ODAD4: variants seen among roughly 807,000 people sequenced by gnomAD.
ODAD4 encodes outer dynein arm docking complex subunit 4.
Under a neutral mutation model 51.8 loss-of-function variants are expected in ODAD4, and 49 were observed. That is an observed-to-expected ratio of 0.95 (90% CI 0.75 to 1.20). The LOEUF is 1.20. ODAD4 is among the 50% of genes most tolerant of loss of function. The pLI is 0.00. For synonymous variants in ODAD4, 235 were observed against 221.3 expected, an observed-to-expected ratio of 1.06 and a Z score of -0.55; for missense variants, 590 against 586.5, an observed-to-expected ratio of 1.01 and a Z score of -0.06.
At chr17:41,933,127 G>T (rs1301506885) in intron 1 of ODAD4, among the ~76,000 whole-genome samples, 1 of 152,018 alleles carries the variant, frequency 6.6e-6, no homozygotes, top group Non-Finnish European at 1.5e-5. Flanking sequence ...GCTGGATCAT[G>T]TCCCATCCTG....
chr17:41,955,384 C>T, intron 10 of ODAD4, 67 bp downstream of exon 10: 1 of 701,288 alleles, frequency 1.4e-6, no homozygotes, highest in Non-Finnish European at 2.6e-6. Flanking sequence ...CCTTCAGTTC[C>T]CCCTCAGCCT....
intron 7 of ODAD4, among the ~76,000 whole-genome samples, chr17:41,942,556 C>T (rs534929032): frequency 1.3e-5 from 2 of 152,226 alleles, no homozygotes; most frequent in Admixed American, 6.5e-5. Flanking sequence ...TCCACTCCGA[C>T]GGGCTGTGAC....
At chr17:41,944,851 T>C (rs2050564897) in intron 7 of ODAD4, among the ~76,000 whole-genome samples, 1 of 152,206 alleles carries the variant, frequency 6.6e-6, no homozygotes, top group South Asian at 2.1e-4. Context: ...TGACTGTTCT[T>C]GTCACATTAT....
intron 9 of ODAD4, among the ~76,000 whole-genome samples, chr17:41,951,878 T>A (rs1159708389): frequency 9.2e-6 from 1 of 108,320 alleles, no homozygotes; most frequent in Admixed American, 1.2e-4. Context: ...AACGAGACTC[T>A]GTCGCAAAAA....
At chr17:41,932,158 C>T (rs2050353784) in intron 1 of ODAD4, among the ~76,000 whole-genome samples, 1 of 152,012 alleles carries the variant, frequency 6.6e-6, no homozygotes, top group Non-Finnish European at 1.5e-5. Context: ...CAACCTCCAC[C>T]TCCCAGGTTC....
In ODAD4 at chr17:41,965,197, T is replaced by G. The variant is rs1567942684; in HGVS notation, c.1733T>G (p.Leu578Trp). The G allele has an allele frequency of 1.3e-6, 1 of 773,790 alleles. No homozygotes were observed. The highest frequency in any genetic ancestry group is 2.3e-4 in the Middle Eastern group (1 of 4,440). The allele number at this position is 773,790 out of a possible 1,614,324, so 47.9% of individuals were successfully genotyped here. Residue 578 changes from leucine (L) to tryptophan (W), a missense_variant, in exon 12 of 12, where the codon TTG becomes TGG. Around this residue, in one of 3 missense-constraint regions of ODAD4, gnomAD observed 226 missense variants for 162.7 expected, o/e 1.39. Coordinates refer to ENST00000377540, the MANE Select transcript of ODAD4 (RefSeq NM_031421.5). ...GAAGCAGGAAAAGCCAGAAGCGATTTGGGAGCAGTTGCCAAGGGCCTGTCA... is the reference window on the plus strand; with the variant it reads ...GAAGCAGGAAAAGCCAGAAGCGATTGGGGAGCAGTTGCCAAGGGCCTGTCA... The part of the protein sequence containing the change: ...SVEAGKARSD[L>W]GAVAKGLSGE...
chr17:41,953,148 C>G (rs2050682063), intron 9 of ODAD4, among the ~76,000 whole-genome samples: 1 of 152,038 alleles, frequency 6.6e-6, no homozygotes, highest in African/African-American at 2.4e-5. Context: ...GCAACCTCTG[C>G]CTTCCGATTT....
intron 5 of ODAD4, among the ~76,000 whole-genome samples, chr17:41,937,945 G>A (rs1567929692): frequency 6.6e-6 from 1 of 152,262 alleles, no homozygotes; most frequent in South Asian, 2.1e-4. Flanking sequence ...CCAAGGTCAT[G>A]TGTAGGGTTC....
chr17:41,932,704 CT>C (rs2050365877), intron 1 of ODAD4, among the ~76,000 whole-genome samples: 1 of 149,260 alleles, frequency 6.7e-6, no homozygotes, highest in South Asian at 2.1e-4. Flanking sequence ...GCCACCACGC[CT>C]GGCTAATTTT....
chr17:41,965,615 A>G lies in ODAD4; in HGVS notation c.*132A>G. 1.6e-6 allele frequency: 1 copy of G among 607,208 alleles called. No homozygotes were observed. Among genetic ancestry groups the G allele is most frequent in the South Asian group, 2.1e-5 (1 of 48,558 alleles). 37.6% of individuals were successfully genotyped at this position (607,208 alleles called of 1,614,324 possible). On this transcript the variant is annotated 3_prime_UTR_variant, in exon 12 of 12. Coordinates refer to ENST00000377540, the MANE Select transcript of ODAD4 (RefSeq NM_031421.5). Reference sequence around the variant, plus strand: ...TTTACTTCTGCTGCTTTCCATCACTATTTTGCCATTAAATAGGTGTCTTTC... The same window carrying G: ...TTTACTTCTGCTGCTTTCCATCACTGTTTTGCCATTAAATAGGTGTCTTTC...
intron 9 of ODAD4, chr17:41,952,733 T>A: frequency 2.0e-6 from 1 of 493,244 alleles, no homozygotes; most frequent in South Asian, 1.5e-5. Context: ...TAATAGCCTT[T>A]TTTTTCTTCT....
At chr17:41,945,420 G>GA (rs2050572549) in intron 8 of ODAD4, among the ~76,000 whole-genome samples, 198 bp downstream of exon 8, 1 of 151,948 alleles carries the variant, frequency 6.6e-6, no homozygotes, top group Non-Finnish European at 1.5e-5. Flanking sequence ...GCTGAGGTAG[G>GA]AGGATTACAT....
chr17:41,946,797 G>A (rs2050592655), intron 8 of ODAD4, among the ~76,000 whole-genome samples: 1 of 151,634 alleles, frequency 6.6e-6, no homozygotes, highest in African/African-American at 2.4e-5. Flanking sequence ...TCCTGCCTCA[G>A]CCTCCCAAGT....
chr17:41,962,273 C>T (rs782138643), intron 11 of ODAD4, among the ~76,000 whole-genome samples: 17 of 152,312 alleles, frequency 1.1e-4, no homozygotes, highest in Non-Finnish European at 1.2e-4. Context: ...GCGCTGCTCT[C>T]GGGCCAGCAG....
chr17:41,961,922 G>T (rs1555641811), intron 11 of ODAD4, among the ~76,000 whole-genome samples: 2 of 152,142 alleles, frequency 1.3e-5, no homozygotes, highest in Non-Finnish European at 2.9e-5. Flanking sequence ...GCTCCTCTGG[G>T]GAGGCAGAGG....
At chr17:41,946,580 G>A (rs969367442) in intron 8 of ODAD4, among the ~76,000 whole-genome samples, 1 of 152,258 alleles carries the variant, frequency 6.6e-6, no homozygotes, top group African/African-American at 2.4e-5. Flanking sequence ...CCGCCATGGC[G>A]TCCCAAAGTG....
chr17:41,937,067 T>G, intron 5 of ODAD4, 140 bp downstream of exon 5: 1 of 1,068,084 alleles, frequency 9.4e-7, no homozygotes, highest in Non-Finnish European at 1.4e-6. Flanking sequence ...CATTCTCATT[T>G]TACAGATGAG....
intron 8 of ODAD4, among the ~76,000 whole-genome samples, chr17:41,947,757 T>C (rs2050606761): frequency 6.6e-6 from 1 of 151,812 alleles, no homozygotes; most frequent in Non-Finnish European, 1.5e-5. Context: ...ATGGCGCCAC[T>C]GCACTCTAGC....
At chr17:41,964,881 G>A in intron 11 of ODAD4, 112 bp from the exon 12 acceptor site, 2 of 601,970 alleles carry the variant, frequency 3.3e-6, no homozygotes, top group Non-Finnish European at 5.9e-6. Flanking sequence ...GGCCTCAAGG[G>A]ATCTGCCTGC....
Sources: allele counts gnomAD v4.1 joint callset (sites outside exome capture counted in the v4.1 genomes callset), GRCh38; gene constraint gnomAD v4.1.1; regional missense constraint gnomAD v4.1.1; transcripts MANE v1.5; gene names NCBI Gene and HGNC (gene_info 2026-07-23, HGNC 2026-07-21).